MITF: variants seen among roughly 807,000 people sequenced by gnomAD.
MITF encodes the protein melanocyte inducing transcription factor.
Under a neutral mutation model 60.5 loss-of-function variants are expected in MITF, and 17 were observed. That is an observed-to-expected ratio of 0.28 (90% CI 0.19 to 0.42). The LOEUF is 0.42. Among genes scored for constraint, MITF ranks in the 10% least tolerant of loss-of-function variants. The probability of loss-of-function intolerance (pLI) is 1.00; values close to 1 mark genes in which losing one functional copy is unlikely to be tolerated. For synonymous variants in MITF, 260 were observed against 248.5 expected, an observed-to-expected ratio of 1.05 and a Z score of -0.43; for missense variants, 622 against 683.5, an observed-to-expected ratio of 0.91 and a Z score of 1.00.
chr3:69,859,432 C>T (rs1173487761), intron 1 of MITF, among the ~76,000 whole-genome samples: 1 of 152,154 alleles, frequency 6.6e-6, no homozygotes, highest in African/African-American at 2.4e-5. Flanking sequence ...TCCCTGTCTT[C>T]TTTATCTCAG....
intron 1 of MITF, among the ~76,000 whole-genome samples, chr3:69,805,943 G>A (rs1575741774): frequency 6.6e-6 from 1 of 152,166 alleles, no homozygotes; most frequent in African/African-American, 2.4e-5. Flanking sequence ...TTATAGGTAT[G>A]AGCCACCATG....
chr3:69,830,491 C>T (rs1206778892), intron 1 of MITF, among the ~76,000 whole-genome samples: 1 of 152,192 alleles, frequency 6.6e-6, no homozygotes, highest in Non-Finnish European at 1.5e-5. Flanking sequence ...AATCCTGGCC[C>T]TTTGGTTGCT....
chr3:69,744,729 G>C (rs573880474), intron 1 of MITF, among the ~76,000 whole-genome samples: 1 of 152,128 alleles, frequency 6.6e-6, no homozygotes, highest in East Asian at 1.9e-4. Flanking sequence ...GTGTTGTTAC[G>C]CAACACAGTT....
intron 1 of MITF, among the ~76,000 whole-genome samples, chr3:69,830,359 G>T (rs1349777424): frequency 6.6e-6 from 1 of 152,102 alleles, no homozygotes; most frequent in African/African-American, 2.4e-5. Context: ...TTCCTGGAAA[G>T]CTCGGCCTGC....
chr3:69,918,455 G>T (rs1011433142), intron 2 of MITF, among the ~76,000 whole-genome samples: 1 of 152,148 alleles, frequency 6.6e-6, no homozygotes. Context: ...TCTCTCGTAT[G>T]TTCCTTTTTG....
intron 1 of MITF, chr3:69,763,694 T>G: frequency 7.7e-7 from 1 of 1,298,350 alleles, no homozygotes. Flanking sequence ...GCAGCCCTGG[T>G]GAGTGTTTTC....
chr3:69,885,319 G>C (rs886532145), intron 2 of MITF, among the ~76,000 whole-genome samples: 5 of 152,056 alleles, frequency 3.3e-5, no homozygotes, highest in African/African-American at 4.8e-5. Context: ...GTTAGAGGAG[G>C]CTATACTAAT....
chr3:69,923,237 T>G (rs1575971296), intron 2 of MITF, among the ~76,000 whole-genome samples: 1 of 152,144 alleles, frequency 6.6e-6, no homozygotes, highest in Non-Finnish European at 1.5e-5. Context: ...ATGCTGAAAA[T>G]GGGGATAATA....
At chr3:69,763,895 C>T (rs1186777654) in intron 1 of MITF, 3 of 1,378,408 alleles carry the variant, frequency 2.2e-6, no homozygotes, top group Non-Finnish European at 2.9e-6. Flanking sequence ...TTTTCTCTCT[C>T]TGTGAAAAGG....
At chr3:69,774,339 A>G (rs555589263) in intron 1 of MITF, among the ~76,000 whole-genome samples, 1 of 152,256 alleles carries the variant, frequency 6.6e-6, no homozygotes, top group Admixed American at 6.5e-5. Flanking sequence ...TTATTCAAGA[A>G]TGTCCTTTGG....
chr3:69,875,578 CT>C (rs1169917475), intron 1 of MITF, among the ~76,000 whole-genome samples: 1 of 152,150 alleles, frequency 6.6e-6, no homozygotes, highest in African/African-American at 2.4e-5. Flanking sequence ...GTTCAGTTAG[CT>C]TTTAAAATTA....
chr3:69,801,554 G>A (rs1037693346), intron 1 of MITF, among the ~76,000 whole-genome samples: 1 of 152,168 alleles, frequency 6.6e-6, no homozygotes, highest in African/African-American at 2.4e-5. Context: ...GGGTTGTGAA[G>A]CATTGCTGCA....
chr3:69,949,513 A>G (rs1254524834), intron 6 of MITF, among the ~76,000 whole-genome samples: 3 of 152,026 alleles, frequency 2.0e-5, no homozygotes, highest in Admixed American at 1.3e-4. Context: ...CCTGATATGT[A>G]TGTTTCTAAC....
At chr3:69,786,416 G>T (rs2062650135) in intron 1 of MITF, among the ~76,000 whole-genome samples, 1 of 152,094 alleles carries the variant, frequency 6.6e-6, no homozygotes, top group Non-Finnish European at 1.5e-5. Flanking sequence ...CGCTTTTGAA[G>T]TTCAAGGTCT....
intron 9 of MITF, among the ~76,000 whole-genome samples, chr3:69,963,465 G>A (rs553558784): frequency 6.6e-6 from 1 of 152,132 alleles, no homozygotes; most frequent in African/African-American, 2.4e-5. Context: ...TGTTAGGTCC[G>A]AACAACTTAT....
Position 69,871,752 on chromosome 3 carries a change from T to C in MITF, c.105-7382T>C, listed in dbSNP as rs1030493639. Reference sequence around the variant, plus strand: ...AGAAAAACAGCCAGAGCATGCCCTGTGATTGGAACAATTATTTGAGTACAA... The same window carrying C: ...AGAAAAACAGCCAGAGCATGCCCTGCGATTGGAACAATTATTTGAGTACAA... On this transcript the variant is annotated intron_variant, in intron 1 of 9. Coordinates refer to ENST00000352241, the MANE Select transcript of MITF (RefSeq NM_001354604.2). Among the ~76,000 whole-genome samples, 10 of 152,358 alleles carry C rather than the reference T, an allele frequency of 6.6e-5. No homozygotes were observed. In the East Asian group the frequency reaches 1.9e-3, roughly 29 times the overall value.
chr3:69,879,215 A>C lies in MITF; in HGVS notation c.186A>C (p.Gln62His), dbSNP rs760455170. The C allele has an allele frequency of 2.5e-6, 4 of 1,614,168 alleles. No homozygotes were observed. Among genetic ancestry groups the C allele is most frequent in the Non-Finnish European group, 3.4e-6 (4 of 1,180,032 alleles). The change falls in exon 2 of 10, where the codon CAA becomes CAC. Residue 62 changes from glutamine to histidine, a missense_variant. By Grantham distance (24) the Gln-to-His change is conservative (BLOSUM62 0). Coordinates refer to ENST00000352241, the MANE Select transcript of MITF (RefSeq NM_001354604.2). ...CATCACGCATCTTGCTACGCCAGCA[A>C]CTCATGCGTGAGCAGATGCAGGAGC... ...SMTSRILLRQ[Q>H]LMREQMQEQE...
chr3:69,765,398 G>A (rs939927492), intron 1 of MITF, among the ~76,000 whole-genome samples: 2 of 152,154 alleles, frequency 1.3e-5, no homozygotes, highest in African/African-American at 4.8e-5. Context: ...AAAGTCATAT[G>A]TTTATTCCAG....
At chr3:69,801,920 C>T (rs2062926721) in intron 1 of MITF, among the ~76,000 whole-genome samples, 1 of 152,104 alleles carries the variant, frequency 6.6e-6, no homozygotes, top group Admixed American at 6.5e-5. Context: ...TGGAGGGAAT[C>T]AAGTGATTTG....
Sources: gnomAD v4.1 joint callset for allele counts (sites outside exome capture counted in the v4.1 genomes callset) on GRCh38, gnomAD v4.1.1 for gene constraint, MANE v1.5 for transcripts, NCBI Gene and HGNC (gene_info 2026-07-23, HGNC 2026-07-21) for gene names.